The following ECE1 variants were observed in gnomAD, a reference collection of about 807,000 sequenced individuals.
ECE1 encodes the protein endothelin-converting enzyme 1.
A neutral mutation model predicts 98.6 loss-of-function variants in ECE1; 35 were observed. That is an observed-to-expected ratio of 0.35 (90% CI 0.27 to 0.47). The LOEUF is 0.47. ECE1 is among the 20% of genes least tolerant of loss of function. ECE1 has a pLI of 1.00. For synonymous variants in ECE1, 394 were observed against 407.1 expected (o/e 0.97, Z 0.39); for missense variants, 814 against 1,025.3 (o/e 0.79, Z 2.81).
chr1:21,251,006 C>CA (rs34736003), intron 8 of ECE1, among the ~76,000 whole-genome samples: 7,216 of 144,534 alleles, frequency 0.05, 557 homozygotes, highest in African/African-American at 0.17. Flanking sequence ...GACTCAGTCT[C>CA]AAAAAAAAAA....
At chr1:21,343,325 C>CTAAATGA (rs1558441702) in intron 1 of ECE1, among the ~76,000 whole-genome samples, 3 of 152,168 alleles carry the variant, frequency 2.0e-5, no homozygotes, top group African/African-American at 7.2e-5. Context: ...AAATGACAGA[C>CTAAATGA]GAAAGTATCA....
At position 21,233,686 on chromosome 1, in the gene ECE1, TCA is replaced by T. The variant is rs776362601; in HGVS notation, c.1567-27_1567-26del. 4.4e-6 allele frequency: 7 copies of T among 1,605,002 alleles called. No individual in the cohort carries two copies. In the African/African-American group the frequency reaches 9.4e-5, roughly 21 times the overall value. On this transcript the variant is annotated intron_variant, in intron 13 of 18. Coordinates refer to ENST00000374893, the MANE Select transcript of ECE1 (RefSeq NM_001397.3). The surrounding 1 kb of genome is among the most constrained non-coding windows in gnomAD (Gnocchi z 4.0). The stretch of plus-strand genomic sequence containing the variant: ...ACTAGAAAAGAAGAAGTGGAGTCAA[TCA>T]CAGTGTGCCCTCGGTGGTGTGCATC...
At chr1:21,251,406 T>C (rs1400626594) in intron 8 of ECE1, among the ~76,000 whole-genome samples, 2 of 151,414 alleles carry the variant, frequency 1.3e-5, no homozygotes, top group East Asian at 2.0e-4. Context: ...TCCCAGCTAC[T>C]TGGGAGGCTG....
chr1:21,235,827 G>C lies in ECE1; in HGVS notation c.1566+23C>G. The C allele has an allele frequency of 6.2e-7, 1 of 1,613,518 alleles. No homozygotes were observed. Among genetic ancestry groups the C allele is most frequent in the South Asian group, 1.1e-5 (1 of 91,088 alleles). The stretch of plus-strand genomic sequence containing the variant: ...CTAAGGGGGCATTTAGGAACGCAAG[G>C]GGGCAGGGCAGCAGCTACTCACGTC... On this transcript the variant is annotated intron_variant, in intron 13 of 18. Transcript: ENST00000374893. The surrounding 1 kb of genome is among the most constrained non-coding windows in gnomAD (Gnocchi z 4.2).
chr1:21,268,468 C>T (rs550470549), intron 4 of ECE1, among the ~76,000 whole-genome samples: 29 of 152,314 alleles, frequency 1.9e-4, no homozygotes, highest in South Asian at 2.1e-4. Flanking sequence ...TGGCCTAGTT[C>T]GGCCCACCTG....
At chr1:21,222,229 C>T in intron 17 of ECE1, 1 of 304,894 alleles carries the variant, frequency 3.3e-6, no homozygotes, top group Non-Finnish European at 6.4e-6. Flanking sequence ...GTACCACCAT[C>T]CATCATCCCA....
At chr1:21,272,944 G>C in intron 3 of ECE1, 33 bp from the exon 4 acceptor site, 1 of 1,612,160 alleles carries the variant, frequency 6.2e-7, no homozygotes. Context: ...GCCAGTGAAG[G>C]GCAGGCAGGG....
chr1:21,324,052 C>T (rs958526692), intron 1 of ECE1, among the ~76,000 whole-genome samples: 3 of 152,030 alleles, frequency 2.0e-5, no homozygotes, highest in African/African-American at 7.2e-5. Context: ...AAACTCCTGA[C>T]CTCAAGTGAT....
At chr1:21,315,688 C>T (rs897373725) in intron 1 of ECE1, among the ~76,000 whole-genome samples, 4 of 148,524 alleles carry the variant, frequency 2.7e-5, no homozygotes, top group South Asian at 2.1e-4. Context: ...CAGCTACTTG[C>T]GAGGCTGAGG....
chr1:21,254,671 A>G (rs1376548935), intron 8 of ECE1, among the ~76,000 whole-genome samples: 7 of 152,078 alleles, frequency 4.6e-5, no homozygotes, highest in Admixed American at 4.6e-4. Flanking sequence ...GGAACAAACC[A>G]AATTATAATG....
intron 8 of ECE1, among the ~76,000 whole-genome samples, chr1:21,255,209 C>A (rs2098218360): frequency 6.6e-6 from 1 of 152,182 alleles, no homozygotes; most frequent in Admixed American, 6.5e-5. Context: ...TGACACTCTG[C>A]GGGAGCCCCT....
chr1:21,250,773 C>T (rs778241286), intron 8 of ECE1, among the ~76,000 whole-genome samples: 2 of 152,164 alleles, frequency 1.3e-5, no homozygotes, highest in East Asian at 3.9e-4. Context: ...TTTGGGAGGC[C>T]GAGGCGGGCA....
chr1:21,279,442 G>A (rs1427607209), intron 2 of ECE1, 110 bp from the exon 3 acceptor site: 1 of 1,580,436 alleles, frequency 6.3e-7, no homozygotes, highest in Non-Finnish European at 8.6e-7. Flanking sequence ...CATCAGGGCT[G>A]CCTCCTGTCT....
chr1:21,263,605 C>T (rs746750576), intron 4 of ECE1, among the ~76,000 whole-genome samples: 57 of 152,020 alleles, frequency 3.7e-4, no homozygotes, highest in Non-Finnish European at 7.4e-4. Context: ...CTGCCCACTT[C>T]AGCCTCCCCA....
chr1:21,273,770 G>A lies in ECE1; in HGVS notation c.281-859C>T, dbSNP rs28367952. The stretch of plus-strand genomic sequence containing the variant: ...CTTGGGAGGCAGAGGCAGAAGAATC[G>A]TTTGAACCCGGGAGATGGAGGTTAC... On this transcript the variant is annotated intron_variant, in intron 3 of 18. Coordinates refer to ENST00000374893, the MANE Select transcript of ECE1 (RefSeq NM_001397.3). Among the ~76,000 whole-genome samples, 592 of 152,284 alleles carry A rather than the reference G, an allele frequency of 3.9e-3. 6 individuals carry two copies. Among genetic ancestry groups the A allele is most frequent in the African/African-American group, 0.013 (551 of 41,550 alleles).
chr1:21,317,446 G>C (rs1047307336), intron 1 of ECE1, among the ~76,000 whole-genome samples: 2 of 152,334 alleles, frequency 1.3e-5, no homozygotes, highest in Admixed American at 6.5e-5. Flanking sequence ...GGGGAAAAGG[G>C]TTTGCTTGTC....
Position 21,345,243 on chromosome 1 carries a change from G to C in ECE1, c.3+133C>G. On this transcript the variant is annotated intron_variant, in intron 1 of 18. Transcript: ENST00000415912. This position sits in a 1 kb window ranked among gnomAD's most constrained non-coding sequence, Gnocchi z 5.1. Reference sequence around the variant, plus strand: ...CGACTCCACGCCTTCCGAGAGCCGGGCGGGGGCTGCTGCTGCAGCCGGCGC... The same window carrying C: ...CGACTCCACGCCTTCCGAGAGCCGGCCGGGGGCTGCTGCTGCAGCCGGCGC... 5.3e-6 allele frequency: 6 copies of C among 1,141,494 alleles called. No individual in the cohort carries two copies. Among genetic ancestry groups the C allele is most frequent in the Non-Finnish European group, 5.4e-6 (5 of 923,280 alleles). 70.7% of individuals were successfully genotyped at this position (1,141,494 alleles called of 1,614,324 possible). A position where few individuals can be genotyped will look rare whatever the true frequency, so the allele number is the denominator to read the frequency against.
At chr1:21,321,810 T>C (rs907437414) in intron 1 of ECE1, among the ~76,000 whole-genome samples, 8 of 152,106 alleles carry the variant, frequency 5.3e-5, no homozygotes, top group African/African-American at 1.9e-4. Context: ...GAGACAGGGT[T>C]TTACCATGTT....
intron 10 of ECE1, among the ~76,000 whole-genome samples, chr1:21,240,697 C>T (rs535420025): frequency 6.6e-6 from 1 of 152,360 alleles, no homozygotes; most frequent in African/African-American, 2.4e-5. Context: ...CCTCCCGCGC[C>T]TACCCTCCCT....
Sources: allele counts gnomAD v4.1 joint callset (sites outside exome capture counted in the v4.1 genomes callset), GRCh38; gene constraint gnomAD v4.1.1; non-coding constraint Gnocchi (gnomAD v3.1); transcripts MANE v1.5; gene names NCBI Gene and HGNC (gene_info 2026-07-23, HGNC 2026-07-21).